FHIT: variants seen among roughly 807,000 people sequenced by gnomAD.
FHIT encodes the protein bis(5'-adenosyl)-triphosphatase.
FHIT carries 19 observed loss-of-function variants against 17.9 expected under a neutral mutation model. The observed-to-expected ratio is 1.06, with a 90% CI of 0.74 to 1.56. The LOEUF (loss-of-function observed/expected upper bound fraction) is 1.56. Among genes scored for constraint, FHIT ranks in the 40% most tolerant of loss-of-function variants. FHIT has a pLI of 0.00. For synonymous variants in FHIT, 81 were observed against 69.7 expected, an observed-to-expected ratio of 1.16 and a Z score of -0.81; for missense variants, 248 against 189.2, an observed-to-expected ratio of 1.31 and a Z score of -1.82.
intron 3 of FHIT, among the ~76,000 whole-genome samples, chr3:60,995,475 G>A (rs564082473): frequency 1.9e-4 from 29 of 152,162 alleles, no homozygotes; most frequent in South Asian, 4.1e-4. Flanking sequence ...AAGATGAAGA[G>A]GGAGATTTAC....
intron 5 of FHIT, among the ~76,000 whole-genome samples, chr3:60,303,583 T>C (rs1164161478): frequency 6.6e-6 from 1 of 152,158 alleles, no homozygotes; most frequent in Admixed American, 6.5e-5. Context: ...TCCCACAGGC[T>C]GTGATCAGTG....
intron 5 of FHIT, among the ~76,000 whole-genome samples, chr3:60,360,779 G>C (rs1208583940): frequency 5.3e-5 from 8 of 151,964 alleles, no homozygotes; most frequent in Non-Finnish European, 8.8e-5. Context: ...CTTATCAATC[G>C]AGCCACCATG....
At chr3:60,722,565 T>A (rs1169091347) in intron 4 of FHIT, among the ~76,000 whole-genome samples, 1 of 152,180 alleles carries the variant, frequency 6.6e-6, no homozygotes, top group South Asian at 2.1e-4. Context: ...CACTGTAGGA[T>A]GTTTAGAAAC....
rs1700785351 is a variant in FHIT, at chr3:59,749,773, T to G, written c.*6-194A>C. On this transcript the variant is annotated intron_variant, in intron 9 of 9. Transcript: ENST00000492590. ...TGTCCAGAACCCAGCATCTAATTCT[T>G]GTTAACCCTGTGAGGATGGTTTCAA... The G allele has an allele frequency of 1.3e-5, 3 of 227,350 alleles. No homozygotes were observed. The East Asian group carries it at 1.9e-4, about 14-fold the overall frequency. The allele number at this position is 227,350 out of a possible 1,614,324, so 14.1% of individuals were successfully genotyped here.
intron 5 of FHIT, among the ~76,000 whole-genome samples, chr3:60,521,227 T>C (rs886717694): frequency 9.4e-5 from 14 of 148,152 alleles, no homozygotes; most frequent in African/African-American, 2.8e-4. Flanking sequence ...ATCAGGATAA[T>C]GGACAATAAA....
chr3:60,895,810 C>G (rs938062530), intron 3 of FHIT, among the ~76,000 whole-genome samples: 1 of 114,826 alleles, frequency 8.7e-6, no homozygotes, highest in African/African-American at 2.7e-5. Context: ...GTCATTCAGA[C>G]AGGTCCTCAT....
chr3:60,969,559 T>C (rs1709907633), intron 3 of FHIT, among the ~76,000 whole-genome samples: 1 of 152,132 alleles, frequency 6.6e-6, no homozygotes, highest in Non-Finnish European at 1.5e-5. Context: ...ATCAGAAATA[T>C]TTTTAATTTT....
At chr3:59,942,218 G>C (rs1436448228) in intron 7 of FHIT, among the ~76,000 whole-genome samples, 1 of 152,152 alleles carries the variant, frequency 6.6e-6, no homozygotes, top group Non-Finnish European at 1.5e-5. Flanking sequence ...GCAGCCCCTG[G>C]CTGTGAATAC....
chr3:59,863,154 T>A (rs538626838), intron 8 of FHIT, among the ~76,000 whole-genome samples: 2 of 152,302 alleles, frequency 1.3e-5, no homozygotes, highest in East Asian at 3.9e-4. Context: ...GAAACCTGGG[T>A]CAATGCTTGT....
chr3:61,131,178 C>T (rs1263528372), intron 2 of FHIT, among the ~76,000 whole-genome samples: 1 of 152,098 alleles, frequency 6.6e-6, no homozygotes, highest in Non-Finnish European at 1.5e-5. Flanking sequence ...CAATAAATAC[C>T]ATATCATATT....
chr3:60,487,301 G>A (rs1474953925), intron 5 of FHIT, among the ~76,000 whole-genome samples: 1 of 152,178 alleles, frequency 6.6e-6, no homozygotes, highest in Non-Finnish European at 1.5e-5. Flanking sequence ...AGCAGCTCTA[G>A]GAAGCTCCTT....
intron 5 of FHIT, among the ~76,000 whole-genome samples, chr3:60,309,383 C>G (rs1415190627): frequency 6.6e-6 from 1 of 151,988 alleles, no homozygotes; most frequent in East Asian, 1.9e-4. Flanking sequence ...AAACCTCAAA[C>G]CAGTGGTCCA....
chr3:60,003,175 C>G (rs1290257249), intron 7 of FHIT, among the ~76,000 whole-genome samples: 1 of 152,096 alleles, frequency 6.6e-6, no homozygotes, highest in Non-Finnish European at 1.5e-5. Context: ...AAGCCGAAAC[C>G]CTCAGGTACA....
At chr3:60,168,131 G>A (rs1701258852) in intron 5 of FHIT, among the ~76,000 whole-genome samples, 1 of 152,170 alleles carries the variant, frequency 6.6e-6, no homozygotes, top group Non-Finnish European at 1.5e-5. Context: ...CATAGTTGCA[G>A]AAACTCCAAA....
chr3:60,339,139 CAT>C lies in FHIT; in HGVS notation c.103+197719_103+197720del, dbSNP rs571536441. ...ATATGTAAGTATGTATGCACATATG[CAT>C]ATGTGTGTTTATATATAAAATGAGT... On this transcript the variant is annotated intron_variant, in intron 5 of 9. Transcript: ENST00000492590. 3.1e-3 allele frequency among the ~76,000 whole-genome samples: 469 copies of C among 152,266 alleles called. 1 individual carries two copies. The highest frequency in any genetic ancestry group is 0.011 in the African/African-American group (449 of 41,554).
chr3:60,590,145 A>T (rs9837499), intron 4 of FHIT, among the ~76,000 whole-genome samples: 9,405 of 152,050 alleles, frequency 0.062, 961 homozygotes, highest in African/African-American at 0.21. Flanking sequence ...TCAATTAGAA[A>T]TTTTTTTAAA....
At chr3:60,322,615 G>A (rs11711608) in intron 5 of FHIT, among the ~76,000 whole-genome samples, 27,270 of 152,122 alleles carry the variant, frequency 0.18, 2,571 homozygotes, top group African/African-American at 0.24. Context: ...TGTGTTATTT[G>A]TAACACCTCA....
At chr3:60,582,759 CAT>C (rs2037787202) in intron 4 of FHIT, among the ~76,000 whole-genome samples, 1 of 152,056 alleles carries the variant, frequency 6.6e-6, no homozygotes, top group Non-Finnish European at 1.5e-5. Context: ...GGTGTACAAA[CAT>C]AACAACAACA....
At chr3:60,027,064 A>C (rs545048627) in intron 5 of FHIT, among the ~76,000 whole-genome samples, 7 of 149,942 alleles carry the variant, frequency 4.7e-5, no homozygotes, top group Non-Finnish European at 1.0e-4. Context: ...ACGCCACTGC[A>C]CTCTAGCCTG....
Sources: gnomAD v4.1 joint callset for allele counts (sites outside exome capture counted in the v4.1 genomes callset) on GRCh38, gnomAD v4.1.1 for gene constraint, MANE v1.5 for transcripts, NCBI Gene and HGNC (gene_info 2026-07-23, HGNC 2026-07-21) for gene names.